Variants in USH2A observed in about 807,000 individuals in gnomAD.
The protein encoded by USH2A is Usher syndrome 2A (autosomal recessive, mild).
A neutral mutation model predicts 538.9 loss-of-function variants in USH2A; 443 were observed. That is an observed-to-expected ratio of 0.82 (90% confidence interval 0.76 to 0.89). The LOEUF (loss-of-function observed/expected upper bound fraction) is 0.89. USH2A is among the 40% of genes least tolerant of loss of function. USH2A has a pLI of 0.00. For synonymous variants in USH2A, 2,413 were observed against 2,273.5 expected (o/e 1.06, Z -1.75); for missense variants, 6,633 against 6,324.8 (o/e 1.05, Z -1.65).
intron 9 of USH2A, among the ~76,000 whole-genome samples, chr1:216,307,101 C>T (rs1157099513): frequency 6.6e-6 from 1 of 152,006 alleles, no homozygotes; most frequent in East Asian, 1.9e-4. Context: ...GGATAAGTTT[C>T]TCAGGCGGTG....
intron 64 of USH2A, among the ~76,000 whole-genome samples, chr1:215,661,099 T>C (rs1030939953): frequency 6.6e-6 from 1 of 152,218 alleles, no homozygotes; most frequent in Non-Finnish European, 1.5e-5. Context: ...GCTGGCCAGG[T>C]GATCCTCTAG....
intron 50 of USH2A, among the ~76,000 whole-genome samples, chr1:215,798,059 G>A (rs1002330064): frequency 1.3e-5 from 2 of 152,074 alleles, no homozygotes; most frequent in Non-Finnish European, 2.9e-5. Context: ...ATGACTAAGG[G>A]GTTTTAGACT....
In USH2A at chr1:215,675,037, T is replaced by C. The variant is rs397517984; in HGVS notation, c.12874A>G (p.Asn4292Asp). Residue 4292 changes from asparagine (N) to aspartate (D), a missense_variant, in exon 63 of 72, where the codon AAT (asparagine) becomes GAT (aspartate). Physicochemically the swap from Asn to Asp is conservative, Grantham distance 23. Coordinates refer to ENST00000307340, the MANE Select transcript of USH2A (RefSeq NM_206933.4). ...LISWIPPEQSNGIIQSYRLQR... is the reference protein window; with the variant it reads ...LISWIPPEQSDGIIQSYRLQR... ...AGCCTATAGGACTGGATAATACCAT[T>C]AGACTGTTCTGGTGGGATCCAGGAA... 1.2e-5 allele frequency: 20 copies of C among 1,614,172 alleles called. No homozygotes were observed. In the South Asian group the frequency reaches 2.2e-4, roughly 18 times the overall value.
intron 32 of USH2A, among the ~76,000 whole-genome samples, chr1:216,010,939 C>A (rs1255632721): frequency 6.6e-6 from 1 of 152,062 alleles, no homozygotes; most frequent in Non-Finnish European, 1.5e-5. Context: ...ATCATGCGCC[C>A]CTTAACATCT....
At chr1:215,634,271 G>A (rs987699712) in intron 70 of USH2A, among the ~76,000 whole-genome samples, 188 bp downstream of exon 70, 30 of 152,110 alleles carry the variant, frequency 2.0e-4, no homozygotes, top group African/African-American at 7.3e-4. Context: ...AGCTTTCCAG[G>A]TGATTCTAAT....
At chr1:216,386,619 G>C (rs2039013256) in intron 3 of USH2A, among the ~76,000 whole-genome samples, 1 of 150,288 alleles carries the variant, frequency 6.7e-6, no homozygotes, top group African/African-American at 2.4e-5. Context: ...ACTTTGGGAG[G>C]CTGAGGTAGG....
intron 61 of USH2A, among the ~76,000 whole-genome samples, chr1:215,694,314 C>T (rs1433079063): frequency 6.6e-6 from 1 of 152,182 alleles, no homozygotes; most frequent in African/African-American, 2.4e-5. Flanking sequence ...TGGCTCACAC[C>T]TGTAATCCCA....
intron 49 of USH2A, among the ~76,000 whole-genome samples, chr1:215,805,984 C>CAAAAAAAAAAAAAAAA (rs57712355): frequency 1.1e-5 from 1 of 93,512 alleles, no homozygotes; most frequent in Non-Finnish European, 2.5e-5. Context: ...AAGACACAAT[C>CAAAAAAAAAAAAAAAA]AAAAAAAAAA....
At chr1:216,062,227 A>G (rs1433243509) in intron 30 of USH2A, among the ~76,000 whole-genome samples, 2 of 152,204 alleles carry the variant, frequency 1.3e-5, no homozygotes, top group Non-Finnish European at 2.9e-5. Flanking sequence ...GCCATTAATT[A>G]GATCTAAAAT....
intron 58 of USH2A, among the ~76,000 whole-genome samples, chr1:215,749,033 T>G (rs1277363009): frequency 6.6e-6 from 1 of 152,232 alleles, no homozygotes; most frequent in African/African-American, 2.4e-5. Context: ...CAAGTTAATG[T>G]CTTTGTAACA....
intron 4 of USH2A, among the ~76,000 whole-genome samples, chr1:216,352,054 A>T (rs2038297662): frequency 6.6e-6 from 1 of 152,154 alleles, no homozygotes; most frequent in Non-Finnish European, 1.5e-5. Flanking sequence ...AAACATTCAA[A>T]TGGAGACTTT....
chr1:216,242,152 C>A (rs1408495756), intron 13 of USH2A, among the ~76,000 whole-genome samples: 1 of 150,364 alleles, frequency 6.7e-6, no homozygotes, highest in Admixed American at 6.7e-5. Flanking sequence ...GAGATCGAGA[C>A]CATCCTGGCT....
intron 32 of USH2A, among the ~76,000 whole-genome samples, chr1:216,043,070 C>G (rs2030355704): frequency 6.6e-6 from 1 of 152,088 alleles, no homozygotes; most frequent in Admixed American, 6.6e-5. Flanking sequence ...GCAGCCCTAG[C>G]AGACTAATAC....
intron 11 of USH2A, among the ~76,000 whole-genome samples, chr1:216,253,319 C>T (rs896227810): frequency 6.6e-6 from 1 of 151,950 alleles, no homozygotes; most frequent in Non-Finnish European, 1.5e-5. Flanking sequence ...GCTGGGCCAC[C>T]AGGCACGGCT....
chr1:216,300,778 T>A lies in USH2A; in HGVS notation c.1645-8408A>T, dbSNP rs930881580. 6.0e-5 allele frequency among the ~76,000 whole-genome samples: 8 copies of A among 132,828 alleles called. No individual in the cohort carries two copies. In the East Asian group the frequency reaches 1.8e-3, roughly 29 times the overall value. 87.1% of individuals were successfully genotyped at this position (132,828 alleles called of 152,430 possible). A position where few individuals can be genotyped will look rare whatever the true frequency, so the allele number is the denominator to read the frequency against. ...TTTTTTTTGGAGATAAAGGACAGAG[T>A]CTTGCTCTGTTGCCCAGGTTGGAGC... On this transcript the variant is annotated intron_variant, in intron 9 of 71. Coordinates refer to ENST00000307340, the MANE Select transcript of USH2A (RefSeq NM_206933.4).
At chr1:216,023,468 A>AAC (rs1553290925) in intron 32 of USH2A, among the ~76,000 whole-genome samples, 3 of 148,346 alleles carry the variant, frequency 2.0e-5, no homozygotes, top group African/African-American at 7.4e-5. Flanking sequence ...ACAAAAAAAA[A>AAC]AAAAAAAAAA....
At chr1:216,017,194 G>A (rs916389198) in intron 32 of USH2A, among the ~76,000 whole-genome samples, 7 of 151,286 alleles carry the variant, frequency 4.6e-5, no homozygotes, top group Admixed American at 2.6e-4. Flanking sequence ...GTCTCCTCTC[G>A]TGTTCTCTCT....
At chr1:215,877,505 G>A (rs1664800748) in intron 43 of USH2A, among the ~76,000 whole-genome samples, 1 of 152,084 alleles carries the variant, frequency 6.6e-6, no homozygotes, top group Non-Finnish European at 1.5e-5. Flanking sequence ...CCGTGACAAA[G>A]GCAATAGGTT....
At chr1:216,067,581 GT>G (rs888324871) in intron 30 of USH2A, among the ~76,000 whole-genome samples, 1 of 152,024 alleles carries the variant, frequency 6.6e-6, no homozygotes, top group Non-Finnish European at 1.5e-5. Flanking sequence ...GGGCTGGCCA[GT>G]AGATTAGAGG....
Sources: gnomAD v4.1 joint callset for allele counts (sites outside exome capture counted in the v4.1 genomes callset) on GRCh38, gnomAD v4.1.1 for gene constraint, MANE v1.5 for transcripts, NCBI Gene and HGNC (gene_info 2026-07-23, HGNC 2026-07-21) for gene names.